The following PCNT variants were observed in gnomAD, a reference collection of about 807,000 sequenced individuals.
The protein encoded by PCNT is kendrin.
In PCNT, 319 loss-of-function variants were observed where a neutral mutation model predicts 380.4. The observed-to-expected ratio is 0.84, with a 90% CI of 0.77 to 0.92. The LOEUF (loss-of-function observed/expected upper bound fraction) is 0.92, where lower values mean the gene tolerates loss of function less well. Among genes scored for constraint, PCNT ranks in the 40% least tolerant of loss-of-function variants. PCNT has a pLI of 0.00. For missense variants in PCNT, 4,400 were observed against 4,255.3 expected, an observed-to-expected ratio of 1.03 and a Z score of -0.95; for synonymous variants, 1,845 against 1,735.2, an observed-to-expected ratio of 1.06 and a Z score of -1.57.
rs762692764 is a variant in PCNT at position 46,398,118 on chromosome 21, T to C, written c.4551T>C (p.Pro1517=). The change falls in exon 23 of 47, where the codon CCT becomes CCC. Residue 1517 remains proline (P), a synonymous_variant. Coordinates refer to ENST00000359568, the MANE Select transcript of PCNT (RefSeq NM_006031.6). ...RQAAKPQPWG[P]RDSQQAPLDG... ...CGGCCAAGCCGCAGCCCTGGGGCCC[T>C]CGCGACAGCCAGGTGAGTCAGTGCA... 5 of 1,605,924 alleles carry C rather than the reference T, an allele frequency of 3.1e-6. No individual in the cohort carries two copies. The highest frequency in any genetic ancestry group is 1.1e-5 in the South Asian group (1 of 89,958).
chr21:46,353,706 TCTC>T (rs961131128), intron 10 of PCNT, among the ~76,000 whole-genome samples: 27 of 144,758 alleles, frequency 1.9e-4, no homozygotes, highest in African/African-American at 3.2e-4. Flanking sequence ...GCAGGGGCAC[TCTC>T]CTCCAGGTGT....
Position 46,436,469 on chromosome 21 carries a change from G to GCCCCCCCCCCCCCCC in PCNT, c.8996+321_8996+322insCCCCCCCCCCCCCCC, listed in dbSNP as rs769557050. On this transcript the variant is annotated intron_variant, in intron 39 of 46. Transcript: ENST00000359568. ...CAGGGTCGGGTTTGGAGCCTCCTGT[G>GCCCCCCCCCCCCCCC]GCCCCCCCCCCCCCCCCCCGCTGGC... Among the ~76,000 whole-genome samples, 55 of 40,034 alleles carry GCCCCCCCCCCCCCCC rather than the reference G, an allele frequency of 1.4e-3. 25 individuals carry two copies. The highest frequency in any genetic ancestry group is 2.1e-3 in the Non-Finnish European group (37 of 17,222). The allele number at this position is 40,034 out of a possible 152,430, so 26.3% of individuals were successfully genotyped here.
intron 16 of PCNT, among the ~76,000 whole-genome samples, chr21:46,383,221 G>A (rs1260853986): frequency 6.8e-6 from 1 of 148,028 alleles, no homozygotes; most frequent in Non-Finnish European, 1.5e-5. Flanking sequence ...TGTATATTCA[G>A]TGGCGGAAGC....
intron 32 of PCNT, 25 bp downstream of exon 32, chr21:46,422,149 A>C (rs766433439): frequency 6.2e-7 from 1 of 1,612,202 alleles, no homozygotes; most frequent in Admixed American, 1.7e-5. Flanking sequence ...GGCGGCCCTC[A>C]CAGCTTCACA....
intron 32 of PCNT, among the ~76,000 whole-genome samples, chr21:46,423,462 A>G (rs139918170): frequency 6.6e-6 from 1 of 151,860 alleles, no homozygotes; most frequent in Non-Finnish European, 1.5e-5. Context: ...AGGTGCTGGG[A>G]TTACAGTGTG....
At chr21:46,347,328 C>T (rs772814339) in intron 5 of PCNT, 129 bp from the exon 6 acceptor site, 190 of 896,554 alleles carry the variant, frequency 2.1e-4, no homozygotes, top group Non-Finnish European at 3.1e-4. Flanking sequence ...TCATCACAGA[C>T]ACATCCTGCT....
intron 15 of PCNT, among the ~76,000 whole-genome samples, chr21:46,367,685 A>G (rs901796660): frequency 6.6e-6 from 1 of 152,106 alleles, no homozygotes; most frequent in Non-Finnish European, 1.5e-5. Flanking sequence ...TCTCGTACGT[A>G]TGTGGGAGGG....
intron 1 of PCNT, among the ~76,000 whole-genome samples, chr21:46,325,961 T>C (rs1484205716): frequency 6.6e-6 from 1 of 152,244 alleles, no homozygotes; most frequent in Non-Finnish European, 1.5e-5. Flanking sequence ...CTAGGAAGTT[T>C]TGGCTGGGCT....
chr21:46,402,746 A>G (rs2086471032), intron 27 of PCNT, among the ~76,000 whole-genome samples: 1 of 152,106 alleles, frequency 6.6e-6, no homozygotes, highest in South Asian at 2.1e-4. Context: ...ATCTGAGGAG[A>G]GGCACTTCCC....
chr21:46,351,638 C>G (rs2084276536), intron 9 of PCNT, 98 bp downstream of exon 9: 2 of 811,180 alleles, frequency 2.5e-6, no homozygotes, highest in East Asian at 4.9e-5. Flanking sequence ...TTCTAGCAAA[C>G]ACAAAAAAGT....
At chr21:46,397,972 A>G (rs1443548345) in intron 22 of PCNT, 42 bp from the exon 23 acceptor site, 1 of 1,490,982 alleles carries the variant, frequency 6.7e-7, no homozygotes, top group South Asian at 1.2e-5. Context: ...GGGGCACGCC[A>G]GCCCCGTTGG....
At chr21:46,414,938 A>G (rs368531775) in intron 29 of PCNT, among the ~76,000 whole-genome samples, 1 of 152,148 alleles carries the variant, frequency 6.6e-6, no homozygotes, top group African/African-American at 2.4e-5. Context: ...ATGTGCCCCA[A>G]CTACTCCTCC....
chr21:46,427,264 C>T (rs905118458), intron 33 of PCNT, among the ~76,000 whole-genome samples: 1 of 152,214 alleles, frequency 6.6e-6, no homozygotes, highest in African/African-American at 2.4e-5. Context: ...TCTCTTCTGT[C>T]AGGGTCATTT....
At chr21:46,398,720 A>T (rs1284349383) in intron 24 of PCNT, among the ~76,000 whole-genome samples, 4 of 152,034 alleles carry the variant, frequency 2.6e-5, no homozygotes, top group African/African-American at 9.7e-5. Flanking sequence ...GACACCATTC[A>T]CCGAGCCTGA....
chr21:46,430,931 C>A, intron 37 of PCNT: 1 of 985,182 alleles, frequency 1.0e-6, no homozygotes, highest in Non-Finnish European at 1.2e-6. Flanking sequence ...TGGAGATGGA[C>A]ACAGCCTCCT....
chr21:46,328,214 C>T (rs1170696556), intron 2 of PCNT, among the ~76,000 whole-genome samples: 1 of 149,034 alleles, frequency 6.7e-6, no homozygotes, highest in Non-Finnish European at 1.5e-5. Flanking sequence ...CTGAATTTTG[C>T]TTTTTATCTC....
intron 27 of PCNT, among the ~76,000 whole-genome samples, chr21:46,407,413 C>T (rs2086652905): frequency 1.4e-5 from 2 of 137,938 alleles, no homozygotes; most frequent in Non-Finnish European, 1.5e-5. Context: ...GCGATCTCGG[C>T]TCCCTGCAAC....
chr21:46,343,228 A>T (rs559020918), intron 3 of PCNT, among the ~76,000 whole-genome samples: 1 of 152,128 alleles, frequency 6.6e-6, no homozygotes, highest in African/African-American at 2.4e-5. Context: ...GTCTTTTTCC[A>T]GTTCTAAAAT....
Position 46,366,963 on chromosome 21 carries a change from T to A in PCNT, c.2989T>A (p.Phe997Ile). The change falls in exon 15 of 47, where the codon TTT becomes ATT. Residue 997 changes from phenylalanine (F) to isoleucine (I), a missense_variant. Phe to Ile is a conservative substitution (Grantham distance 21, BLOSUM62 0). Transcript: ENST00000359568. ...GGCCCTAGAGCTCTTACGAGCAGAC[T>A]TTGAGGAACAACTGTGGAAAAAGGA... ...RQALELLRAD[F>I]EEQLWKKDSL... is the part of the protein sequence containing the mutation. 1 of 1,614,230 alleles carries A rather than the reference T, an allele frequency of 6.2e-7. No individual in the cohort carries two copies. The highest frequency in any genetic ancestry group is 8.5e-7 in the Non-Finnish European group (1 of 1,180,040).
Sources: allele counts gnomAD v4.1 joint callset (sites outside exome capture counted in the v4.1 genomes callset), GRCh38; gene constraint gnomAD v4.1.1; transcripts MANE v1.5; gene names NCBI Gene and HGNC (gene_info 2026-07-23, HGNC 2026-07-21).